The following KBTBD12 variants were observed in gnomAD, a reference collection of about 807,000 sequenced individuals.
KBTBD12 encodes the protein kelch repeat and BTB domain containing 12, also known as kelch repeat and BTB domain-containing protein 12.
Under a neutral mutation model 58.7 loss-of-function variants are expected in KBTBD12, and 53 were observed. That is an observed-to-expected ratio of 0.90 (90% CI 0.72 to 1.14). The LOEUF (loss-of-function observed/expected upper bound fraction) is 1.14, where lower values mean the gene tolerates loss of function less well. Among genes scored for constraint, KBTBD12 ranks in the 50% most tolerant of loss-of-function variants. The probability of loss-of-function intolerance (pLI) is 0.00; values close to 1 mark genes in which losing one functional copy is unlikely to be tolerated. For missense variants in KBTBD12, 704 were observed against 751.3 expected, an observed-to-expected ratio of 0.94 and a Z score of 0.74; for synonymous variants, 236 against 259.8, an observed-to-expected ratio of 0.91 and a Z score of 0.88.
chr3:127,984,411 G>A lies in KBTBD12; in HGVS notation c.*133G>A, dbSNP rs973601325. ...GCCTGTGTGTGAAGAAGCAGTGTGT[G>A]CTGGGCACTGGGTGGGGAGCATGGG... is the stretch of plus-strand genomic sequence containing the variant. On this transcript the variant is annotated 3_prime_UTR_variant, in exon 6 of 6. Coordinates refer to ENST00000405109, the MANE Select transcript of KBTBD12 (RefSeq NM_207335.4). 5 of 821,300 alleles carry A rather than the reference G, an allele frequency of 6.1e-6. No individual in the cohort carries two copies. In the African/African-American group the frequency reaches 6.9e-5, roughly 11 times the overall value. The allele number at this position is 821,300 out of a possible 1,614,324, so 50.9% of individuals were successfully genotyped here.
At chr3:127,917,318 T>C (rs1939273493) in intron 1 of KBTBD12, among the ~76,000 whole-genome samples, 1 of 152,202 alleles carries the variant, frequency 6.6e-6, no homozygotes, top group Non-Finnish European at 1.5e-5. Context: ...AGTTTTCCGG[T>C]TTACTATAAA....
chr3:127,955,312 A>G (rs1349227492), intron 4 of KBTBD12, among the ~76,000 whole-genome samples: 1 of 152,204 alleles, frequency 6.6e-6, no homozygotes, highest in African/African-American at 2.4e-5. Context: ...TGGTTTACTG[A>G]AAACATAACA....
chr3:127,951,634 C>T (rs1337583309), intron 4 of KBTBD12, among the ~76,000 whole-genome samples: 1 of 152,174 alleles, frequency 6.6e-6, no homozygotes, highest in African/African-American at 2.4e-5. Flanking sequence ...TTCTCAGGAG[C>T]ATGGGACTTT....
At chr3:127,983,804 C>T (rs1940917730) in intron 5 of KBTBD12, among the ~76,000 whole-genome samples, 1 of 152,132 alleles carries the variant, frequency 6.6e-6, no homozygotes, top group South Asian at 2.1e-4. Flanking sequence ...CCTTCCCTGT[C>T]CCAGTGACCT....
At chr3:127,953,349 C>CGG (rs1402256835) in intron 4 of KBTBD12, among the ~76,000 whole-genome samples, 1 of 152,194 alleles carries the variant, frequency 6.6e-6, no homozygotes, top group Non-Finnish European at 1.5e-5. Context: ...CTACTTTCTT[C>CGG]ATTTCCTCCT....
rs1272516292 is a variant in KBTBD12 at position 127,981,768 on chromosome 3, C to T, written c.1691-2329C>T. Among the ~76,000 whole-genome samples, 8 of 152,078 alleles carry T rather than the reference C, an allele frequency of 5.3e-5. No individual in the cohort carries two copies. The South Asian group carries it at 1.0e-3, about 20-fold the overall frequency. On this transcript the variant is annotated intron_variant, in intron 5 of 5. Transcript: ENST00000405109. ...CATCCTGGCCAACATGGTGAAACCCCGTCTCTAATAAAAATACAAAAATTA... is the reference window on the plus strand; with the variant it reads ...CATCCTGGCCAACATGGTGAAACCCTGTCTCTAATAAAAATACAAAAATTA...
intron 4 of KBTBD12, among the ~76,000 whole-genome samples, chr3:127,933,738 T>C (rs1347432153): frequency 6.6e-6 from 1 of 152,196 alleles, no homozygotes; most frequent in Non-Finnish European, 1.5e-5. Flanking sequence ...GAAGACTTAC[T>C]GGTGTTTGAC....
intron 1 of KBTBD12, among the ~76,000 whole-genome samples, chr3:127,921,291 C>G (rs1444860756): frequency 6.6e-6 from 1 of 152,044 alleles, no homozygotes; most frequent in Non-Finnish European, 1.5e-5. Flanking sequence ...TCACCCAAGC[C>G]AAAATCTGTG....
intron 5 of KBTBD12, among the ~76,000 whole-genome samples, chr3:127,975,024 A>C (rs748892480): frequency 1.3e-5 from 2 of 152,236 alleles, no homozygotes; most frequent in African/African-American, 4.8e-5. Flanking sequence ...CCCCCAAAGC[A>C]TACCTTGAAA....
At chr3:127,929,517 T>C (rs1215632353) in intron 3 of KBTBD12, among the ~76,000 whole-genome samples, 2 of 152,162 alleles carry the variant, frequency 1.3e-5, no homozygotes, top group Non-Finnish European at 2.9e-5. Context: ...GGTTGTTTAA[T>C]TTGTACCTTC....
intron 4 of KBTBD12, among the ~76,000 whole-genome samples, chr3:127,941,281 A>G (rs1469259620): frequency 6.6e-6 from 1 of 152,210 alleles, no homozygotes; most frequent in African/African-American, 2.4e-5. Flanking sequence ...AATCCTTAAC[A>G]AAATATTAGC....
chr3:127,984,044 C>G, intron 5 of KBTBD12, 53 bp from the exon 6 acceptor site: 1 of 1,483,048 alleles, frequency 6.7e-7, no homozygotes, highest in Non-Finnish European at 9.3e-7. Context: ...CTGATGGCCT[C>G]TGAATTTAAT....
At chr3:127,945,938 C>G (rs969214421) in intron 4 of KBTBD12, among the ~76,000 whole-genome samples, 7 of 152,102 alleles carry the variant, frequency 4.6e-5, no homozygotes, top group Admixed American at 1.3e-4. Context: ...CTTGGCCTCT[C>G]AAAGTGCTGG....
rs536644190 is a variant in KBTBD12 at position 127,919,230 on chromosome 3, G to A, written c.-113+3644G>A. 4.9e-4 allele frequency among the ~76,000 whole-genome samples: 74 copies of A among 151,762 alleles called. 1 individual carries two copies. Among genetic ancestry groups the A allele is most frequent in the African/African-American group, 1.7e-3 (69 of 41,386 alleles). On this transcript the variant is annotated intron_variant, in intron 1 of 5. Transcript: ENST00000405109. ...TTTTTTTTTTCCGAGACACGGTCTC[G>A]GAAATAGCAAAAATTTGGAAATAAC...
intron 4 of KBTBD12, among the ~76,000 whole-genome samples, chr3:127,945,361 T>C (rs1940056945): frequency 6.6e-6 from 1 of 151,174 alleles, no homozygotes; most frequent in Non-Finnish European, 1.5e-5. Context: ...ATTTTTTGTA[T>C]TTTTAGTAGA....
intron 4 of KBTBD12, among the ~76,000 whole-genome samples, chr3:127,945,285 C>A (rs1158639197): frequency 7.0e-6 from 1 of 142,286 alleles, no homozygotes. Flanking sequence ...CCCAGGTTCA[C>A]GCCATTCTCC....
chr3:127,923,325 C>T lies in KBTBD12; in HGVS notation c.264C>T (p.Tyr88=), dbSNP rs1159930514. The change falls in exon 2 of 6, where the codon TAC becomes TAT. Residue 88 remains tyrosine, a synonymous_variant. Coordinates refer to ENST00000405109, the MANE Select transcript of KBTBD12 (RefSeq NM_207335.4). ...AAAGTGTGTCGGTGTTATTAAATTA[C>T]ATGTACAATGCAGCTTTGGAGATCA... The part of the protein sequence containing the change: ...TAESVSVLLN[Y]MYNAALEINN... 1.9e-6 allele frequency: 3 copies of T among 1,613,826 alleles called. No individual in the cohort carries two copies. The South Asian group carries it at 3.3e-5, about 18-fold the overall frequency.
chr3:127,941,511 T>C (rs1939949433), intron 4 of KBTBD12, among the ~76,000 whole-genome samples: 1 of 152,210 alleles, frequency 6.6e-6, no homozygotes, highest in Non-Finnish European at 1.5e-5. Flanking sequence ...ACCAAGAAGA[T>C]ACGAGAATTT....
chr3:127,923,206 C>T lies in KBTBD12; in HGVS notation c.145C>T (p.Leu49=). The change falls in exon 2 of 6, where the codon CTG becomes TTG. Residue 49 remains leucine (L), a synonymous_variant. Coordinates refer to ENST00000405109, the MANE Select transcript of KBTBD12 (RefSeq NM_207335.4). ...GEKFPCHRLV[L]AAFSPYFKAM... is the part of the protein sequence containing the mutation. Reference sequence around the variant, plus strand: ...GAAATTTCCTTGCCACAGACTGGTCCTGGCTGCATTTAGCCCTTATTTCAA... The same window carrying T: ...GAAATTTCCTTGCCACAGACTGGTCTTGGCTGCATTTAGCCCTTATTTCAA... 1 of 1,613,814 alleles carries T rather than the reference C, an allele frequency of 6.2e-7. No individual in the cohort carries two copies.
Sources: allele counts gnomAD v4.1 joint callset (sites outside exome capture counted in the v4.1 genomes callset), GRCh38; gene constraint gnomAD v4.1.1; transcripts MANE v1.5; gene names NCBI Gene and HGNC (gene_info 2026-07-23, HGNC 2026-07-21).